Variants in ITGAL observed in about 807,000 individuals in gnomAD.
ITGAL encodes integrin alpha-L.
ITGAL carries 68 observed loss-of-function variants against 138.4 expected under a neutral mutation model. The ratio of observed to expected loss-of-function variants is 0.49; its 90% confidence interval spans 0.40 to 0.60. The LOEUF (loss-of-function observed/expected upper bound fraction) is 0.60. Among genes scored for constraint, ITGAL ranks in the 20% least tolerant of loss-of-function variants. The pLI is 0.00. For synonymous variants in ITGAL, 561 were observed against 584.3 expected, an observed-to-expected ratio of 0.96 and a Z score of 0.57; for missense variants, 1,256 against 1,478.6, an observed-to-expected ratio of 0.85 and a Z score of 2.47.
At chr16:30,498,915 A>G (rs1390832672) in intron 15 of ITGAL, 159 bp from the exon 16 acceptor site, 1 of 650,540 alleles carries the variant, frequency 1.5e-6, no homozygotes, top group Non-Finnish European at 2.6e-6. Context: ...TAAATAAATA[A>G]AAAGTATCAT....
At chr16:30,483,738 G>A in intron 7 of ITGAL, 89 bp from the exon 8 acceptor site, 1 of 1,412,644 alleles carries the variant, frequency 7.1e-7, no homozygotes, top group Non-Finnish European at 9.7e-7. Flanking sequence ...TGCGTAACCA[G>A]CATGGAGGTG....
chr16:30,477,885 AGAAAGAAAGCAAG>A (rs915952823), intron 4 of ITGAL, among the ~76,000 whole-genome samples: 20 of 151,634 alleles, frequency 1.3e-4, no homozygotes, highest in African/African-American at 2.2e-4. Context: ...AGACCTGAAA[AGAAAGAAAGCAAG>A]GAAAGAAAGC....
intron 4 of ITGAL, among the ~76,000 whole-genome samples, chr16:30,476,459 T>C (rs1315783345): frequency 1.3e-5 from 2 of 152,248 alleles, no homozygotes; most frequent in Admixed American, 6.5e-5. Context: ...TAATGGCTTA[T>C]TAGAAAAAAA....
chr16:30,501,012 A>G (rs902933663), intron 17 of ITGAL, among the ~76,000 whole-genome samples: 4 of 151,764 alleles, frequency 2.6e-5, no homozygotes, highest in Non-Finnish European at 5.9e-5. Context: ...CTCAAAAAAA[A>G]AAAAAATAGT....
chr16:30,505,992 G>C (rs1285407798), intron 20 of ITGAL, among the ~76,000 whole-genome samples: 1 of 152,238 alleles, frequency 6.6e-6, no homozygotes, highest in East Asian at 1.9e-4. Flanking sequence ...TGGCGCGGTG[G>C]CTCACGCCTA....
In ITGAL at chr16:30,481,256, A is replaced by C. The variant is rs1236741049; in HGVS notation, c.577-183A>C. 8 of 546,580 alleles carry C rather than the reference A, an allele frequency of 1.5e-5. No homozygotes were observed. In the South Asian group the frequency reaches 1.7e-4, roughly 12 times the overall value. 33.9% of individuals were successfully genotyped at this position (546,580 alleles called of 1,614,324 possible). A position where few individuals can be genotyped will look rare whatever the true frequency, so the allele number is the denominator to read the frequency against. On this transcript the variant is annotated intron_variant, in intron 6 of 30. Coordinates refer to ENST00000356798, the MANE Select transcript of ITGAL (RefSeq NM_002209.3). The stretch of plus-strand genomic sequence containing the variant: ...AGCTACTTGGGAGGCTGAGGCATGA[A>C]AATCGCTGGAACCCGGGAGGCAGAG...
In ITGAL at chr16:30,494,353, A is replaced by G. The variant is rs536837601; in HGVS notation, c.1355A>G (p.His452Arg). Residue 452 changes from histidine (H) to arginine (R), a missense_variant, in exon 12 of 31, where the codon CAT becomes CGT. His to Arg is a conservative substitution (Grantham distance 29, BLOSUM62 0). Around this residue, in one of 3 missense-constraint regions of ITGAL, gnomAD observed 867 missense variants for 972.5 expected, o/e 0.89. Transcript: ENST00000356798. This position sits in a 1 kb window ranked among gnomAD's most constrained non-coding sequence, Gnocchi z 4.2. ...CACTGGAGCCAGGTCCAGACAATCC[A>G]TGGGACCCAGGTGCGCCCAGTCCGA... ...GGHWSQVQTIHGTQIGSYFGG... is the reference protein window; with the variant it reads ...GGHWSQVQTIRGTQIGSYFGG... 5 of 1,607,884 alleles carry G rather than the reference A, an allele frequency of 3.1e-6. No individual in the cohort carries two copies. In the African/African-American group the frequency reaches 4.0e-5, roughly 13 times the overall value.
intron 11 of ITGAL, among the ~76,000 whole-genome samples, chr16:30,491,226 G>A (rs908944252): frequency 6.6e-6 from 1 of 151,248 alleles, no homozygotes; most frequent in Non-Finnish European, 1.5e-5. Flanking sequence ...CATGGTGAAA[G>A]TCCGTCTCTA....
At position 30,521,703 on chromosome 16, in the gene ITGAL, C is replaced by T. The variant is rs765427136; in HGVS notation, c.*38C>T. On this transcript the variant is annotated 3_prime_UTR_variant, in exon 31 of 31. Transcript: ENST00000356798. ...GAGGTGCAGAGTGCCCAGAACTGGA[C>T]TCAGGATGCCCAGGGCCACTCTGCC... 4.4e-6 allele frequency: 7 copies of T among 1,592,608 alleles called. No homozygotes were observed. The highest frequency in any genetic ancestry group is 6.0e-6 in the Non-Finnish European group (7 of 1,166,696).
intron 24 of ITGAL, among the ~76,000 whole-genome samples, chr16:30,512,290 T>C (rs1051173019): frequency 3.9e-5 from 6 of 152,196 alleles, no homozygotes; most frequent in African/African-American, 1.2e-4. Context: ...TTCTCGCTTA[T>C]AGAAAAGGAA....
rs377536362 is a variant in ITGAL, at chr16:30,511,044, A to G, written c.2700-6A>G. 88 of 1,613,542 alleles carry G rather than the reference A, an allele frequency of 5.5e-5. No homozygotes were observed. In the East Asian group the frequency reaches 6.7e-4, roughly 12 times the overall value. On this transcript the variant is annotated splice_polypyrimidine_tract_variant and splice_region_variant and intron_variant, in intron 23 of 30. Transcript: ENST00000356798. ...TAACACTGGCCTCTTCCTTGCCCCAATGCAGTAACAATGAGGACTCAGACC... is the reference window on the plus strand; with the variant it reads ...TAACACTGGCCTCTTCCTTGCCCCAGTGCAGTAACAATGAGGACTCAGACC...
intron 17 of ITGAL, among the ~76,000 whole-genome samples, chr16:30,503,609 AAAG>A (rs1349558634): frequency 6.6e-6 from 1 of 151,722 alleles, no homozygotes; most frequent in Non-Finnish European, 1.5e-5. Flanking sequence ...AAAAGAAAAG[AAAG>A]AAGGAGAGAA....
At chr16:30,473,917 T>G (rs1336370548) in intron 1 of ITGAL, 1 of 580,628 alleles carries the variant, frequency 1.7e-6, no homozygotes, top group Admixed American at 2.2e-5. Flanking sequence ...CCCTTGGGTC[T>G]GCTCCTCTCT....
chr16:30,515,210 C>T (rs894806406), intron 25 of ITGAL, among the ~76,000 whole-genome samples: 1 of 152,186 alleles, frequency 6.6e-6, no homozygotes, highest in Non-Finnish European at 1.5e-5. Flanking sequence ...TTGAAAGCAC[C>T]ATCTCTTTCT....
intron 6 of ITGAL, among the ~76,000 whole-genome samples, 188 bp downstream of exon 6, chr16:30,479,649 T>G (rs927061313): frequency 7.9e-3 from 168 of 21,236 alleles, no homozygotes; most frequent in Non-Finnish European, 0.018. Flanking sequence ...TCTCATTTCC[T>G]TTTTTTTTTT....
At chr16:30,474,099 G>T in intron 1 of ITGAL, 97 bp from the exon 2 acceptor site, 1 of 877,060 alleles carries the variant, frequency 1.1e-6, no homozygotes, top group Non-Finnish European at 1.8e-6. Flanking sequence ...GGTGGCCTGG[G>T]GAGCGACATC....
intron 11 of ITGAL, among the ~76,000 whole-genome samples, chr16:30,493,510 T>TA: frequency 6.6e-6 from 1 of 151,654 alleles, no homozygotes; most frequent in Non-Finnish European, 1.5e-5. Context: ...TCTCCTGACC[T>TA]TGTGATCCAC....
At position 30,505,274 on chromosome 16, in the gene ITGAL, C is replaced by A. The variant is rs748766300; in HGVS notation, c.2266C>A (p.Pro756Thr). 6.2e-6 allele frequency: 10 copies of A among 1,611,802 alleles called. No homozygotes were observed. Among genetic ancestry groups the A allele is most frequent in the Non-Finnish European group, 8.5e-6 (10 of 1,179,056 alleles). The stretch of plus-strand genomic sequence containing the variant: ...CAAGGACATACCGCCCATCCTGAGA[C>A]CCTCCCTGCACTCGGAAACCTGGGA... Reference protein sequence around the residue: ...QGKDIPPILRPSLHSETWEIP... With the variant: ...QGKDIPPILRTSLHSETWEIP... The change falls in exon 19 of 31, where the codon CCC becomes ACC. Residue 756 changes from proline (P) to threonine (T), a missense_variant. Pro to Thr is a conservative substitution (Grantham distance 38). Coordinates refer to ENST00000356798, the MANE Select transcript of ITGAL (RefSeq NM_002209.3).
chr16:30,502,291 G>A (rs1444933751), intron 17 of ITGAL, among the ~76,000 whole-genome samples: 1 of 151,368 alleles, frequency 6.6e-6, no homozygotes, highest in Non-Finnish European at 1.5e-5. Flanking sequence ...CAGCTACTTG[G>A]GAGGCTGAGG....
Sources: allele counts gnomAD v4.1 joint callset (sites outside exome capture counted in the v4.1 genomes callset), GRCh38; gene constraint gnomAD v4.1.1; regional missense constraint gnomAD v4.1.1; non-coding constraint Gnocchi (gnomAD v3.1); transcripts MANE v1.5; gene names NCBI Gene and HGNC (gene_info 2026-07-23, HGNC 2026-07-21).